Variants in SETD3 observed in about 807,000 individuals in gnomAD.
The protein encoded by SETD3 is actin-histidine N-methyltransferase.
SETD3 carries 19 observed loss-of-function variants against 63.0 expected under a neutral mutation model. That is an observed-to-expected ratio of 0.30 (90% CI 0.21 to 0.44). The LOEUF (loss-of-function observed/expected upper bound fraction) is 0.44. Among genes scored for constraint, SETD3 ranks in the 20% least tolerant of loss-of-function variants. The pLI is 1.00. For missense variants in SETD3, 587 were observed against 728.5 expected (o/e 0.81, Z 2.24); for synonymous variants, 286 against 264.1 (o/e 1.08, Z -0.80).
intron 6 of SETD3, among the ~76,000 whole-genome samples, chr14:99,427,970 A>T (rs939655328): frequency 6.6e-6 from 1 of 152,200 alleles, no homozygotes; most frequent in Admixed American, 6.5e-5. Context: ...CCAGACAGAG[A>T]GTACCGGAAA....
chr14:99,442,969 A>C (rs1893916318), intron 6 of SETD3, among the ~76,000 whole-genome samples: 1 of 152,198 alleles, frequency 6.6e-6, no homozygotes, highest in African/African-American at 2.4e-5. Flanking sequence ...TCTGACGCGG[A>C]CGGGACGCTG....
chr14:99,453,971 T>C (rs1432125758), intron 6 of SETD3, among the ~76,000 whole-genome samples: 1 of 152,218 alleles, frequency 6.6e-6, no homozygotes, highest in African/African-American at 2.4e-5. Context: ...GTCAGCTTCA[T>C]GGCACTTACT....
At chr14:99,413,337 C>G (rs991434770) in intron 7 of SETD3, 4 of 351,796 alleles carry the variant, frequency 1.1e-5, no homozygotes, top group Non-Finnish European at 2.1e-5. Context: ...GGCCCCTTCC[C>G]GGATCTTCGT....
At chr14:99,410,364 T>C in intron 8 of SETD3, 2 of 1,104,178 alleles carry the variant, frequency 1.8e-6, no homozygotes, top group Non-Finnish European at 2.5e-6. Context: ...TTTAGATTTT[T>C]TTTTCAATAC....
chr14:99,450,111 CAT>C (rs1459891348), intron 6 of SETD3, among the ~76,000 whole-genome samples: 6 of 152,306 alleles, frequency 3.9e-5, no homozygotes, highest in Non-Finnish European at 8.8e-5. Context: ...TTATATAAAG[CAT>C]ATGTGTATTT....
chr14:99,404,181 A>G, intron 11 of SETD3, 44 bp downstream of exon 11: 1 of 1,523,834 alleles, frequency 6.6e-7, no homozygotes, highest in South Asian at 1.1e-5. Context: ...TTCATGATTT[A>G]AAAAGAAAAA....
chr14:99,405,200 C>T lies in SETD3; in HGVS notation c.1091+5G>A. On this transcript the variant is annotated splice_donor_5th_base_variant and intron_variant, in intron 10 of 12. Transcript: ENST00000331768. ...GAAAGGGCCAACCGATGTTTTTCTA[C>T]GTACGTGGGGATGCCGGCACGAGCC... The T allele has an allele frequency of 6.2e-7, 1 of 1,607,372 alleles. No homozygotes were observed. The highest frequency in any genetic ancestry group is 8.5e-7 in the Non-Finnish European group (1 of 1,177,984).
chr14:99,406,707 G>A, intron 8 of SETD3, 117 bp from the exon 9 acceptor site: 1 of 986,838 alleles, frequency 1.0e-6, no homozygotes, highest in South Asian at 1.4e-5. Flanking sequence ...TACTCAAAAG[G>A]TGGCATCTGA....
chr14:99,452,146 G>A (rs752909004), intron 6 of SETD3, among the ~76,000 whole-genome samples: 2 of 152,126 alleles, frequency 1.3e-5, no homozygotes, highest in Non-Finnish European at 2.9e-5. Flanking sequence ...TTGCTCTGTC[G>A]CCCAGGCTAG....
chr14:99,433,374 T>C (rs1409935207), intron 6 of SETD3, among the ~76,000 whole-genome samples: 2 of 152,140 alleles, frequency 1.3e-5, no homozygotes, highest in African/African-American at 4.8e-5. Flanking sequence ...ATATTAATAA[T>C]TTTTATATTA....
chr14:99,455,697 C>T (rs1461067022), intron 6 of SETD3, among the ~76,000 whole-genome samples: 4 of 152,068 alleles, frequency 2.6e-5, no homozygotes, highest in African/African-American at 2.4e-5. Context: ...ATATAGGTAA[C>T]TGAGGTGCTC....
chr14:99,465,817 CAGAGA>C lies in SETD3; in HGVS notation c.-8-9_-8-5del. Reference sequence around the variant, plus strand: ...CTCTTCTTACCCATTTTTCTGACTACAGAGAAGAGAAAGAAAAGAGAAAAAAATTA... The same window carrying C: ...CTCTTCTTACCCATTTTTCTGACTACAGAGAAAGAAAAGAGAAAAAAATTA... On this transcript the variant is annotated splice_polypyrimidine_tract_variant and splice_region_variant and intron_variant, in intron 1 of 12. Transcript: ENST00000331768. The C allele has an allele frequency of 6.3e-7, 1 of 1,598,312 alleles. No homozygotes were observed. Among genetic ancestry groups the C allele is most frequent in the South Asian group, 1.1e-5 (1 of 89,940 alleles).
chr14:99,403,484 CTCTCTT>C (rs1418578701), intron 11 of SETD3, among the ~76,000 whole-genome samples: 13 of 138,126 alleles, frequency 9.4e-5, no homozygotes, highest in African/African-American at 3.8e-4. Context: ...CTCTCTCTCT[CTCTCTT>C]TCTCTCTCTT....
intron 6 of SETD3, among the ~76,000 whole-genome samples, chr14:99,454,996 T>C (rs760145686): frequency 7.9e-5 from 12 of 152,268 alleles, no homozygotes; most frequent in Non-Finnish European, 1.2e-4. Flanking sequence ...TATTTTTATC[T>C]TACAGACTGG....
At chr14:99,413,225 A>C (rs1377587530) in intron 7 of SETD3, 160 bp from the exon 8 acceptor site, 2 of 586,708 alleles carry the variant, frequency 3.4e-6, no homozygotes, top group African/African-American at 3.8e-5. Flanking sequence ...ATTTAAAAAC[A>C]AACCCAGGGT....
intron 8 of SETD3, among the ~76,000 whole-genome samples, chr14:99,409,513 C>T (rs576641193): frequency 6.6e-6 from 1 of 152,300 alleles, no homozygotes; most frequent in South Asian, 2.1e-4. Flanking sequence ...ACACCACTCA[C>T]ATCTGTGGCT....
intron 6 of SETD3, among the ~76,000 whole-genome samples, chr14:99,437,247 T>C (rs1893536088): frequency 1.3e-5 from 2 of 152,158 alleles, no homozygotes; most frequent in Admixed American, 6.5e-5. Flanking sequence ...GTTCCCTCCC[T>C]TCCAGCATGT....
At chr14:99,470,841 TG>T (rs1225627821) in intron 1 of SETD3, among the ~76,000 whole-genome samples, 1 of 152,206 alleles carries the variant, frequency 6.6e-6, no homozygotes, top group East Asian at 1.9e-4. Flanking sequence ...ACGCCCTATA[TG>T]TACTCCGTTC....
At chr14:99,412,768 A>C in intron 8 of SETD3, 183 bp downstream of exon 8, 1 of 569,404 alleles carries the variant, frequency 1.8e-6, no homozygotes, top group South Asian at 2.3e-5. Context: ...CAATGCAGTA[A>C]AAGAAAAATA....
Sources: gnomAD v4.1 joint callset for allele counts (sites outside exome capture counted in the v4.1 genomes callset) on GRCh38, gnomAD v4.1.1 for gene constraint, MANE v1.5 for transcripts, NCBI Gene and HGNC (gene_info 2026-07-23, HGNC 2026-07-21) for gene names.